Variants in SLC9A9 observed in about 807,000 individuals in gnomAD.
The protein encoded by SLC9A9 is solute carrier family 9 member A9.
A neutral mutation model predicts 77.8 loss-of-function variants in SLC9A9; 62 were observed. The observed-to-expected ratio is 0.80, with a 90% CI of 0.65 to 0.98. The LOEUF (loss-of-function observed/expected upper bound fraction) is 0.98. Among genes scored for constraint, SLC9A9 ranks in the 50% least tolerant of loss-of-function variants. SLC9A9 has a pLI of 0.00. For missense variants in SLC9A9, 775 were observed against 774.9 expected (o/e 1.00, Z 0.00); for synonymous variants, 320 against 283.5 (o/e 1.13, Z -1.29).
chr3:143,666,618 A>G (rs1305787993), intron 5 of SLC9A9, among the ~76,000 whole-genome samples: 1 of 152,188 alleles, frequency 6.6e-6, no homozygotes, highest in East Asian at 1.9e-4. Context: ...CCTTAAGCTG[A>G]TAAGCAACTT....
intron 14 of SLC9A9, among the ~76,000 whole-genome samples, chr3:143,278,982 A>C (rs566819772): frequency 7.5e-6 from 1 of 133,838 alleles, no homozygotes; most frequent in East Asian, 2.0e-4. Context: ...GGCCTCATAC[A>C]GGAGAAGATA....
At chr3:143,474,389 G>C (rs959884155) in intron 11 of SLC9A9, among the ~76,000 whole-genome samples, 11 of 152,264 alleles carry the variant, frequency 7.2e-5, no homozygotes, top group Admixed American at 4.6e-4. Context: ...TAAAAACTCT[G>C]ACTCTGATAG....
intron 14 of SLC9A9, among the ~76,000 whole-genome samples, chr3:143,300,983 AG>A (rs1221757531): frequency 6.6e-6 from 1 of 152,234 alleles, no homozygotes; most frequent in Non-Finnish European, 1.5e-5. Flanking sequence ...ATCTGCATTC[AG>A]GAAGCTTTGT....
chr3:143,692,745 C>T (rs946702271), intron 5 of SLC9A9, among the ~76,000 whole-genome samples: 1 of 152,138 alleles, frequency 6.6e-6, no homozygotes, highest in Non-Finnish European at 1.5e-5. Flanking sequence ...GGGTTCCCTG[C>T]ACCACATTGG....
rs1399315605 is a variant in SLC9A9 at position 143,265,353 on chromosome 3, T to A, written c.*1349A>T. ...AAAACTTGTGCCCCAGAGATTCTGT[T>A]TGGAAAGCAAAAAAATAATTGATGC... On this transcript the variant is annotated 3_prime_UTR_variant, in exon 16 of 16. Coordinates refer to ENST00000316549, the MANE Select transcript of SLC9A9 (RefSeq NM_173653.4). 1 of 152,380 alleles carries A rather than the reference T, an allele frequency of 6.6e-6. No individual in the cohort carries two copies. Among genetic ancestry groups the A allele is most frequent in the Non-Finnish European group, 1.5e-5 (1 of 68,122 alleles). 9.4% of individuals were successfully genotyped at this position (152,380 alleles called of 1,614,324 possible). A position where few individuals can be genotyped will look rare whatever the true frequency, so the allele number is the denominator to read the frequency against.
intron 12 of SLC9A9, among the ~76,000 whole-genome samples, chr3:143,424,367 C>T (rs1022862621): frequency 8.6e-5 from 13 of 151,798 alleles, no homozygotes; most frequent in African/African-American, 2.2e-4. Flanking sequence ...CCCGGGTTCA[C>T]GCCATTCTCC....
chr3:143,304,280 A>G (rs1257890524), intron 14 of SLC9A9, among the ~76,000 whole-genome samples: 1 of 152,212 alleles, frequency 6.6e-6, no homozygotes, highest in Non-Finnish European at 1.5e-5. Flanking sequence ...AGAGGTGAAA[A>G]GAGCCATTAA....
At chr3:143,758,251 G>C (rs1263083954) in intron 4 of SLC9A9, among the ~76,000 whole-genome samples, 2 of 152,182 alleles carry the variant, frequency 1.3e-5, no homozygotes, top group Non-Finnish European at 2.9e-5. Flanking sequence ...ATGTAGAACA[G>C]ATGTATTCTA....
At chr3:143,426,349 T>C (rs1396113150) in intron 12 of SLC9A9, among the ~76,000 whole-genome samples, 14 of 152,240 alleles carry the variant, frequency 9.2e-5, no homozygotes, top group Admixed American at 9.2e-4. Context: ...CCTTTTATAT[T>C]CAGTCACTAG....
rs116314063 is a variant in SLC9A9 at position 143,597,105 on chromosome 3, T to C, written c.756-18382A>G. On this transcript the variant is annotated intron_variant, in intron 6 of 15. Coordinates refer to ENST00000316549, the MANE Select transcript of SLC9A9 (RefSeq NM_173653.4). ...CATTGTAAGATACATGGATGTGCTT[T>C]GGTTAAGGAAAAGGCCGAGGCGGAT... Among the ~76,000 whole-genome samples the C allele has an allele frequency of 4.0e-3, 610 of 152,334 alleles. 2 individuals carry two copies. The highest frequency in any genetic ancestry group is 0.014 in the African/African-American group (593 of 41,566).
intron 12 of SLC9A9, among the ~76,000 whole-genome samples, chr3:143,417,105 G>A (rs1559906859): frequency 6.6e-6 from 1 of 152,118 alleles, no homozygotes; most frequent in Non-Finnish European, 1.5e-5. Flanking sequence ...ATATAGGAGA[G>A]AAGGAAGGGA....
At chr3:143,379,118 T>C (rs986640684) in intron 13 of SLC9A9, among the ~76,000 whole-genome samples, 1 of 152,062 alleles carries the variant, frequency 6.6e-6, no homozygotes, top group Non-Finnish European at 1.5e-5. Flanking sequence ...TTTTAGCCTT[T>C]GGTAAGTAAG....
intron 12 of SLC9A9, among the ~76,000 whole-genome samples, chr3:143,395,650 A>C (rs1355642826): frequency 6.6e-6 from 1 of 152,260 alleles, no homozygotes; most frequent in Non-Finnish European, 1.5e-5. Flanking sequence ...TTACCATCAG[A>C]GTGAACAGGC....
At chr3:143,658,073 G>T (rs2038922016) in intron 5 of SLC9A9, among the ~76,000 whole-genome samples, 1 of 152,068 alleles carries the variant, frequency 6.6e-6, no homozygotes, top group South Asian at 2.1e-4. Flanking sequence ...CACCATCTTG[G>T]CCAGACTGGT....
At chr3:143,567,327 C>T (rs2037184459) in intron 8 of SLC9A9, among the ~76,000 whole-genome samples, 1 of 152,096 alleles carries the variant, frequency 6.6e-6, no homozygotes, top group Non-Finnish European at 1.5e-5. Context: ...GCCTCGGTGG[C>T]TGATTTTGTA....
At chr3:143,815,154 A>G (rs1010361682) in intron 2 of SLC9A9, among the ~76,000 whole-genome samples, 13 of 152,200 alleles carry the variant, frequency 8.5e-5, no homozygotes, top group Admixed American at 3.3e-4. Flanking sequence ...AGAGCAGCAA[A>G]ATTAATAAAT....
intron 7 of SLC9A9, among the ~76,000 whole-genome samples, chr3:143,576,425 T>C (rs2037360307): frequency 6.6e-6 from 1 of 152,176 alleles, no homozygotes; most frequent in Admixed American, 6.6e-5. Flanking sequence ...GTATCCTCCT[T>C]GAGCCTCAGT....
chr3:143,500,575 G>T (rs1201819658), intron 9 of SLC9A9, among the ~76,000 whole-genome samples: 2 of 152,020 alleles, frequency 1.3e-5, no homozygotes, highest in Non-Finnish European at 2.9e-5. Context: ...CTGCTTTTCT[G>T]TGTATGACAC....
intron 14 of SLC9A9, among the ~76,000 whole-genome samples, chr3:143,340,575 G>A (rs1332772599): frequency 5.9e-5 from 9 of 152,190 alleles, no homozygotes; most frequent in Admixed American, 4.6e-4. Context: ...GAGACTCTTA[G>A]AGAGGTTTCA....
Sources: allele counts gnomAD v4.1 joint callset (sites outside exome capture counted in the v4.1 genomes callset), GRCh38; gene constraint gnomAD v4.1.1; transcripts MANE v1.5; gene names NCBI Gene and HGNC (gene_info 2026-07-23, HGNC 2026-07-21).